TTC24: variants seen among roughly 807,000 people sequenced by gnomAD.
TTC24 encodes tetratricopeptide repeat protein 24.
A neutral mutation model predicts 63.3 loss-of-function variants in TTC24; 54 were observed. The ratio of observed to expected loss-of-function variants is 0.85; its 90% CI spans 0.69 to 1.07. The LOEUF (loss-of-function observed/expected upper bound fraction) is 1.07, where lower values mean the gene tolerates loss of function less well. Among genes scored for constraint, TTC24 ranks in the 50% least tolerant of loss-of-function variants. The pLI, the probability that TTC24 is intolerant of heterozygous loss-of-function variation, is 0.00. For missense variants in TTC24, 680 were observed against 730.5 expected (o/e 0.93, Z 0.80); for synonymous variants, 276 against 304.3 (o/e 0.91, Z 0.97).
chr1:156,583,709 T>A lies in TTC24; in HGVS notation c.1153-88T>A. On this transcript the variant is annotated intron_variant, in intron 5 of 10. Transcript: ENST00000368236. The surrounding 1 kb of genome is among the most constrained non-coding windows in gnomAD (Gnocchi z 4.0). ...GGGGAAACAAAGCCCCCCTCCCCCC[T>A]CCCTTTCCTGTTTCCTTCTTCCCCA... 8.1e-6 allele frequency: 3 copies of A among 370,158 alleles called. No individual in the cohort carries two copies. Among genetic ancestry groups the A allele is most frequent in the Non-Finnish European group, 9.7e-6 (2 of 205,724 alleles). The allele number at this position is 370,158 out of a possible 1,614,324, so 22.9% of individuals were successfully genotyped here.
chr1:156,583,661 G>T lies in TTC24; in HGVS notation c.1153-136G>T. ...AGGTGGTGGCAGGACCCTGGGAAAG[G>T]CATGGGGATGGGGTAGAAGAGAGGG... On this transcript the variant is annotated intron_variant, in intron 5 of 10. Coordinates refer to ENST00000368236, the MANE Select transcript of TTC24 (RefSeq NM_001105669.4). This position sits in a 1 kb window ranked among gnomAD's most constrained non-coding sequence, Gnocchi z 4.0. The T allele has an allele frequency of 1.1e-6, 1 of 938,342 alleles. No individual in the cohort carries two copies. 58.1% of individuals were successfully genotyped at this position (938,342 alleles called of 1,614,324 possible).
intron 3 of TTC24, 39 bp downstream of exon 3, chr1:156,582,473 A>T: frequency 6.3e-7 from 1 of 1,593,578 alleles, no homozygotes; most frequent in Non-Finnish European, 8.6e-7. Context: ...TGGGACTAAG[A>T]CACTAAGAAG....
Position 156,585,791 on chromosome 1 carries a change from G to A in TTC24, c.1535G>A (p.Cys512Tyr), listed in dbSNP as rs1160289555. 4.3e-6 allele frequency: 7 copies of A among 1,613,814 alleles called. No individual in the cohort carries two copies. The highest frequency in any genetic ancestry group is 1.7e-5 in the Admixed American group (1 of 59,994). ...CCCACGTTTACCAAGCACACGCCCT[G>A]CAGAGGGACAGTCCTCGGCAAAGCC... ...SCPTFTKHTP[C>Y]RGTVLGKASI... The change falls in exon 9 of 11, where the codon TGC becomes TAC. Residue 512 changes from cysteine (C) to tyrosine (Y), a missense_variant. By Grantham distance (194) the Cys-to-Tyr change is radical (BLOSUM62 -2). Transcript: ENST00000368236.
intron 3 of TTC24, 145 bp downstream of exon 3, chr1:156,582,579 T>C (rs1294371060): frequency 1.3e-6 from 1 of 745,902 alleles, no homozygotes; most frequent in East Asian, 2.7e-5. Flanking sequence ...GAGCTGGAAG[T>C]GCAGGAGATG....
At chr1:156,585,474 A>G in intron 8 of TTC24, 1 of 599,418 alleles carries the variant, frequency 1.7e-6, no homozygotes, top group Non-Finnish European at 3.0e-6. Context: ...TTTTCCCTGA[A>G]CCCTTCTAGA....
chr1:156,585,993 C>T lies in TTC24; in HGVS notation c.1615C>T (p.Pro539Ser). 1 of 1,592,172 alleles carries T rather than the reference C, an allele frequency of 6.3e-7. No homozygotes were observed. Among genetic ancestry groups the T allele is most frequent in the Non-Finnish European group, 8.6e-7 (1 of 1,168,784 alleles). ...TCTTCCATTTGTAGGTCCAGGCCCT[C>T]CCAGAGCGGAGTACCCTAGCATCTT... ...AHLPFVGPGP[P>S]RAEYPSILVP... The change falls in exon 10 of 11, where the codon CCC (proline) becomes TCC (serine). Residue 539 changes from proline (P) to serine (S), a missense_variant. By Grantham distance (74) the Pro-to-Ser change is moderately conservative. Coordinates refer to ENST00000368236, the MANE Select transcript of TTC24 (RefSeq NM_001105669.4).
chr1:156,586,052 C>A lies in TTC24; in HGVS notation c.1667+7C>A. 6.4e-7 allele frequency: 1 copy of A among 1,556,846 alleles called. No homozygotes were observed. Among genetic ancestry groups the A allele is most frequent in the Non-Finnish European group, 8.7e-7 (1 of 1,146,906 alleles). ...ATGGCCCTCAAGCCAATAGGTGGGTCCTTGGGGGAAAGAAGGAGGCCTGGA... is the reference window on the plus strand; with the variant it reads ...ATGGCCCTCAAGCCAATAGGTGGGTACTTGGGGGAAAGAAGGAGGCCTGGA... On this transcript the variant is annotated splice_region_variant and intron_variant, in intron 10 of 10. Coordinates refer to ENST00000368236, the MANE Select transcript of TTC24 (RefSeq NM_001105669.4).
In TTC24 at chr1:156,583,368, A is replaced by G. The variant is rs1354287988; in HGVS notation, c.1070A>G (p.Glu357Gly). Residue 357 changes from glutamate to glycine, a missense_variant, in exon 5 of 11, where the codon GAG becomes GGG. By Grantham distance (98) the Glu-to-Gly change is moderately conservative. Transcript: ENST00000368236. This position sits in a 1 kb window ranked among gnomAD's most constrained non-coding sequence, Gnocchi z 4.0. ...GDMKGQWQAC[E>G]GLGAAAARLG... is the part of the protein sequence containing the mutation. ...ATGAAGGGACAGTGGCAGGCCTGTG[A>G]GGGTCTGGGGGCTGCTGCAGCCAGG... 20 of 1,612,700 alleles carry G rather than the reference A, an allele frequency of 1.2e-5. No homozygotes were observed. Among genetic ancestry groups the G allele is most frequent in the Admixed American group, 1.7e-5 (1 of 59,804 alleles).
Position 156,585,792 on chromosome 1 carries a change from C to A in TTC24, c.1536C>A (p.Cys512Ter), listed in dbSNP as rs1373341588. 6.2e-7 allele frequency: 1 copy of A among 1,613,870 alleles called. No homozygotes were observed. Among genetic ancestry groups the A allele is most frequent in the Non-Finnish European group, 8.5e-7 (1 of 1,179,772 alleles). The change falls in exon 9 of 11, where the codon TGC becomes TGA. Residue 512 changes from cysteine to a stop codon, truncating the protein, a stop_gained. Coordinates refer to ENST00000368236, the MANE Select transcript of TTC24 (RefSeq NM_001105669.4). LOFTEE classifies it high-confidence loss of function. Reference sequence around the variant, plus strand: ...CCACGTTTACCAAGCACACGCCCTGCAGAGGGACAGTCCTCGGCAAAGCCT... The same window carrying A: ...CCACGTTTACCAAGCACACGCCCTGAAGAGGGACAGTCCTCGGCAAAGCCT... ...SCPTFTKHTP[C>*]RGTVLGKASI... is the part of the protein sequence containing the mutation.
chr1:156,583,850 G>A lies in TTC24; in HGVS notation c.1206G>A (p.Val402=). ...TGGTGGCCAAGCTGGCAGACACCGT[G>A]AGGACGCGCTTGGCCCAGGTGGGGC... ...ERLVAKLADT[V]RTRLAQVGLV... Residue 402 remains valine (V), a synonymous_variant, in exon 6 of 11, where the codon GTG becomes GTA. Transcript: ENST00000368236. The surrounding 1 kb of genome is among the most constrained non-coding windows in gnomAD (Gnocchi z 4.0). The A allele has an allele frequency of 1.9e-6, 3 of 1,584,842 alleles. No individual in the cohort carries two copies. The highest frequency in any genetic ancestry group is 1.7e-6 in the Non-Finnish European group (2 of 1,166,820).
Position 156,583,151 on chromosome 1 carries a change from G to A in TTC24, c.1020G>A (p.Leu340=). 2 of 1,612,888 alleles carry A rather than the reference G, an allele frequency of 1.2e-6. No individual in the cohort carries two copies. The highest frequency in any genetic ancestry group is 1.7e-6 in the Non-Finnish European group (2 of 1,179,440). The change falls in exon 4 of 11, where the codon CTG becomes CTA. Residue 340 remains leucine, a synonymous_variant. Coordinates refer to ENST00000368236, the MANE Select transcript of TTC24 (RefSeq NM_001105669.4). This position sits in a 1 kb window ranked among gnomAD's most constrained non-coding sequence, Gnocchi z 4.0. ...KAARDNYLHA[L]QAARDSGDMK... is the part of the protein sequence containing the mutation. The stretch of plus-strand genomic sequence containing the variant: ...CCAGAGACAACTACCTGCATGCCCT[G>A]CAGGCTGCCCGGGACTCTGGTAAGC...
intron 3 of TTC24, 129 bp downstream of exon 3, chr1:156,582,563 G>C (rs758626248): frequency 1.2e-6 from 1 of 815,528 alleles, no homozygotes. Context: ...CAGAACCAGT[G>C]GGGGAGAGCT....
At position 156,583,298 on chromosome 1, in the gene TTC24, G is replaced by A; in HGVS notation, c.1040-40G>A. The A allele has an allele frequency of 6.2e-7, 1 of 1,601,012 alleles. No homozygotes were observed. ...TCTGAGGGGGTGGATCAGTGGGGTA[G>A]GAAGTCATGAAAGGACCTTCCAGGC... On this transcript the variant is annotated intron_variant, in intron 4 of 10. Transcript: ENST00000368236. The surrounding 1 kb of genome is among the most constrained non-coding windows in gnomAD (Gnocchi z 4.0).
intron 8 of TTC24, 95 bp downstream of exon 8, chr1:156,585,326 C>G (rs1677126817): frequency 1.0e-6 from 1 of 977,814 alleles, no homozygotes; most frequent in African/African-American, 1.6e-5. Flanking sequence ...TTATGCCCAT[C>G]CCACCATCCC....
chr1:156,585,770 C>A lies in TTC24; in HGVS notation c.1514C>A (p.Thr505Lys), dbSNP rs750349500. The stretch of plus-strand genomic sequence containing the variant: ...CACCATCTAGCTTCTAGTTGCCCCA[C>A]GTTTACCAAGCACACGCCCTGCAGA... ...HSHHLASSCP[T>K]FTKHTPCRGT... The change falls in exon 9 of 11, where the codon ACG becomes AAG. Residue 505 changes from threonine to lysine, a missense_variant. Thr to Lys is a moderately conservative substitution (Grantham distance 78, BLOSUM62 -1). Coordinates refer to ENST00000368236, the MANE Select transcript of TTC24 (RefSeq NM_001105669.4). 1 of 1,613,982 alleles carries A rather than the reference C, an allele frequency of 6.2e-7. No individual in the cohort carries two copies. The highest frequency in any genetic ancestry group is 8.5e-7 in the Non-Finnish European group (1 of 1,179,872).
chr1:156,583,439 G>C lies in TTC24; in HGVS notation c.1141G>C (p.Ala381Pro). The C allele has an allele frequency of 1.2e-6, 2 of 1,601,412 alleles. No homozygotes were observed. The highest frequency in any genetic ancestry group is 1.7e-6 in the Non-Finnish European group (2 of 1,175,826). Residue 381 changes from alanine to proline, a missense_variant, in exon 5 of 11, where the codon GCC becomes CCC. Physicochemically the swap from Ala to Pro is conservative, Grantham distance 27. Transcript: ENST00000368236. This position sits in a 1 kb window ranked among gnomAD's most constrained non-coding sequence, Gnocchi z 4.0. ...CTTGAAGTACTATAAGGAAGCACTG[G>C]CCCAGTGTCAGGTGAGACCCCGCAC... ...QALKYYKEAL[A>P]QCQKEPDSVR...
Position 156,581,991 on chromosome 1 carries a change from G to A in TTC24, c.627G>A (p.Arg209=). The change falls in exon 2 of 11, where the codon CGG becomes CGA. Residue 209 remains arginine (R), a synonymous_variant. Transcript: ENST00000368236. ...AAAGCMLKSG[R]HRVGEVVQVL... ...CAGGATGTATGCTGAAGAGTGGGCG[G>A]CATCGGGTGGGGGAAGTTGTGCAGG... is the stretch of plus-strand genomic sequence containing the variant. The A allele has an allele frequency of 2.0e-6, 3 of 1,509,690 alleles. No homozygotes were observed. Among genetic ancestry groups the A allele is most frequent in the Non-Finnish European group, 8.8e-7 (1 of 1,131,856 alleles). 93.5% of individuals were successfully genotyped at this position (1,509,690 alleles called of 1,614,324 possible). A position where few individuals can be genotyped will look rare whatever the true frequency, so the allele number is the denominator to read the frequency against.
At chr1:156,585,085 T>G (rs770785738) in intron 7 of TTC24, 40 bp from the exon 8 acceptor site, 1 of 1,575,916 alleles carries the variant, frequency 6.3e-7, no homozygotes, top group Admixed American at 1.8e-5. Flanking sequence ...GGGACTGGTG[T>G]CGCTCTGCCA....
Position 156,586,019 on chromosome 1 carries a change from G to T in TTC24, c.1641G>T (p.Leu547Phe). 6.3e-7 allele frequency: 1 copy of T among 1,578,860 alleles called. No individual in the cohort carries two copies. Residue 547 changes from leucine to phenylalanine, a missense_variant, in exon 10 of 11, where the codon TTG becomes TTT. Coordinates refer to ENST00000368236, the MANE Select transcript of TTC24 (RefSeq NM_001105669.4). ...GPPRAEYPSI[L>F]VPNGPQANRS... The stretch of plus-strand genomic sequence containing the variant: ...CCAGAGCGGAGTACCCTAGCATCTT[G>T]GTACCCAATGGCCCTCAAGCCAATA...
Sources: gnomAD v4.1 joint callset for allele counts on GRCh38, gnomAD v4.1.1 for gene constraint, Gnocchi (gnomAD v3.1) non-coding constraint, MANE v1.5 for transcripts, NCBI Gene and HGNC (gene_info 2026-07-23, HGNC 2026-07-21) for gene names.